LARGE1: variants seen among roughly 807,000 people sequenced by gnomAD.
LARGE1 encodes the protein LARGE xylosyl- and glucuronyltransferase 1, also known as xylosyl- and glucuronyltransferase LARGE1.
Under a neutral mutation model 87.6 loss-of-function variants are expected in LARGE1, and 43 were observed. The observed-to-expected ratio is 0.49, with a 90% CI of 0.38 to 0.63. The LOEUF is 0.63. LARGE1 is among the 30% of genes least tolerant of loss of function. LARGE1 has a pLI of 0.00. For synonymous variants in LARGE1, 434 were observed against 394.6 expected, an observed-to-expected ratio of 1.10 and a Z score of -1.18; for missense variants, 802 against 1,000.2, an observed-to-expected ratio of 0.80 and a Z score of 2.67.
At chr22:33,723,712 T>C (rs1182737508) in intron 2 of LARGE1, 2 of 152,130 alleles carry the variant, frequency 1.3e-5, no homozygotes, top group East Asian at 3.9e-4. Flanking sequence ...ACACAGGCAT[T>C]CTGAGCCCCC....
intron 10 of LARGE1, chr22:33,322,717 T>C (rs1343993794): frequency 6.6e-6 from 1 of 152,228 alleles, no homozygotes; most frequent in East Asian, 1.9e-4. Flanking sequence ...ATGGTACCAA[T>C]AATGGGATTT....
intron 6 of LARGE1, among the ~76,000 whole-genome samples, chr22:33,471,022 T>G (rs2068813262): frequency 6.9e-6 from 1 of 144,390 alleles, no homozygotes; most frequent in East Asian, 2.0e-4. Flanking sequence ...TAGTCTTTCT[T>G]CTTCTTCTTT....
chr22:33,240,592 G>A (rs1039588518), intron 11 of LARGE1, among the ~76,000 whole-genome samples: 1 of 152,144 alleles, frequency 6.6e-6, no homozygotes, highest in African/African-American at 2.4e-5. Context: ...TTGAGATCAG[G>A]TTGTGTAAGT....
chr22:33,067,570 G>C, the LARGE1 span, among the ~76,000 whole-genome samples: 1 of 152,064 alleles, frequency 6.6e-6, no homozygotes, highest in Non-Finnish European at 1.5e-5. Context: ...GAGATGTATG[G>C]GCTCAGAGAA....
At chr22:33,702,951 T>C (rs1231502876) in intron 2 of LARGE1, among the ~76,000 whole-genome samples, 1 of 151,820 alleles carries the variant, frequency 6.6e-6, no homozygotes, top group Non-Finnish European at 1.5e-5. Flanking sequence ...TGACTAGGAG[T>C]TACCCTGGCA....
At chr22:33,668,439 TG>T (rs2081323867) in intron 2 of LARGE1, among the ~76,000 whole-genome samples, 1 of 152,264 alleles carries the variant, frequency 6.6e-6, no homozygotes, top group Non-Finnish European at 1.5e-5. Context: ...GGCATTTAGC[TG>T]CTCCAGCTAA....
At chr22:33,772,514 G>C (rs945917113) in intron 1 of LARGE1, among the ~76,000 whole-genome samples, 1 of 151,862 alleles carries the variant, frequency 6.6e-6, no homozygotes, top group South Asian at 2.1e-4. Flanking sequence ...CTTTGCAAGT[G>C]TGCTCCCTGT....
At chr22:33,874,543 G>A (rs976655720) in intron 1 of LARGE1, among the ~76,000 whole-genome samples, 2 of 152,168 alleles carry the variant, frequency 1.3e-5, no homozygotes, top group Admixed American at 6.5e-5. Context: ...TATTTGTCCT[G>A]CTTTTACTGG....
chr22:33,427,312 T>C (rs1010906578), intron 7 of LARGE1, among the ~76,000 whole-genome samples: 2 of 152,180 alleles, frequency 1.3e-5, no homozygotes, highest in Non-Finnish European at 2.9e-5. Context: ...ATCTGCCTGG[T>C]TATCCATCCG....
chr22:33,255,148 G>A (rs1927198292), intron 11 of LARGE1, among the ~76,000 whole-genome samples: 2 of 152,110 alleles, frequency 1.3e-5, no homozygotes, highest in Non-Finnish European at 2.9e-5. Flanking sequence ...ATGTTGGTCA[G>A]GCTGGTCTTG....
At chr22:33,152,046 C>A in the LARGE1 span, among the ~76,000 whole-genome samples, 2 of 151,998 alleles carry the variant, frequency 1.3e-5, no homozygotes, top group African/African-American at 4.8e-5. Context: ...GTTGCCAGTG[C>A]AATCATCTTG....
chr22:33,093,358 G>A, the LARGE1 span, among the ~76,000 whole-genome samples: 1 of 152,266 alleles, frequency 6.6e-6, no homozygotes, highest in African/African-American at 2.4e-5. Context: ...GGAGACAAAG[G>A]CATAAAATTT....
intron 11 of LARGE1, among the ~76,000 whole-genome samples, chr22:33,212,230 G>A (rs918694556): frequency 6.6e-6 from 1 of 152,092 alleles, no homozygotes; most frequent in Admixed American, 6.5e-5. Context: ...TCAAAGGACA[G>A]GCTGCCTCTC....
chr22:33,085,635 A>G, the LARGE1 span, among the ~76,000 whole-genome samples: 1 of 152,246 alleles, frequency 6.6e-6, no homozygotes, highest in Non-Finnish European at 1.5e-5. Context: ...CAGCCAATGT[A>G]CATAATACTG....
In LARGE1 at chr22:33,209,943, C is replaced by T. The variant is rs558067682; in HGVS notation, c.1731-43111G>A. ...GTATTACAGGCATGAGCCACCACGC[C>T]CGGCTGTGGTTCTTAATCTTAATCT... is the stretch of plus-strand genomic sequence containing the variant. On this transcript the variant is annotated intron_variant, in intron 11 of 11. Transcript: ENST00000608642. Among the ~76,000 whole-genome samples, 15 of 152,314 alleles carry T rather than the reference C, an allele frequency of 9.8e-5. No individual in the cohort carries two copies. The South Asian group carries it at 3.1e-3, about 32-fold the overall frequency.
At chr22:33,813,795 G>T (rs529976471) in intron 1 of LARGE1, among the ~76,000 whole-genome samples, 5 of 151,960 alleles carry the variant, frequency 3.3e-5, no homozygotes, top group African/African-American at 1.2e-4. Flanking sequence ...TGCATTCTAC[G>T]ATGCTCCCAA....
chr22:33,364,756 G>A (rs1601595502), intron 9 of LARGE1, among the ~76,000 whole-genome samples: 1 of 152,156 alleles, frequency 6.6e-6, no homozygotes, highest in East Asian at 1.9e-4. Flanking sequence ...GAGTGCAGTG[G>A]CACAATCACA....
At chr22:33,789,001 A>AGTAAT in intron 1 of LARGE1, among the ~76,000 whole-genome samples, 2 of 152,344 alleles carry the variant, frequency 1.3e-5, no homozygotes, top group Admixed American at 1.3e-4. Flanking sequence ...AATTTGCCTA[A>AGTAAT]GTAATGAGGA....
intron 6 of LARGE1, among the ~76,000 whole-genome samples, chr22:33,451,563 C>CTTT (rs34445472): frequency 4.6e-4 from 65 of 139,976 alleles, no homozygotes; most frequent in African/African-American, 8.2e-4. Flanking sequence ...GTATCTCATT[C>CTTT]TTTTTTTTTT....
Sources: gnomAD v4.1 joint callset for allele counts (sites outside exome capture counted in the v4.1 genomes callset) on GRCh38, gnomAD v4.1.1 for gene constraint, MANE v1.5 for transcripts, NCBI Gene and HGNC (gene_info 2026-07-23, HGNC 2026-07-21) for gene names.